LHFPL3: variants seen among roughly 807,000 people sequenced by gnomAD.
LHFPL3 encodes LHFPL tetraspan subfamily member 3 protein.
LHFPL3 carries 5 observed loss-of-function variants against 19.3 expected under a neutral mutation model. The ratio of observed to expected loss-of-function variants is 0.26; its 90% CI spans 0.14 to 0.54. LHFPL3 has a LOEUF of 0.54. LHFPL3 is among the 20% of genes least tolerant of loss of function. The pLI, the probability that LHFPL3 is intolerant of heterozygous loss-of-function variation, is 0.94. For synonymous variants in LHFPL3, 133 were observed against 126.2 expected, an observed-to-expected ratio of 1.05 and a Z score of -0.36; for missense variants, 249 against 307.4, an observed-to-expected ratio of 0.81 and a Z score of 1.42.
intron 2 of LHFPL3, among the ~76,000 whole-genome samples, chr7:104,750,762 G>T (rs1463421727): frequency 6.6e-6 from 1 of 152,210 alleles, no homozygotes. Context: ...GGACAGGGGG[G>T]GTTGTTGTCC....
intron 2 of LHFPL3, among the ~76,000 whole-genome samples, chr7:104,809,943 A>C (rs780875633): frequency 2.6e-5 from 4 of 152,244 alleles, no homozygotes; most frequent in Non-Finnish European, 5.9e-5. Flanking sequence ...AATTGTGGTA[A>C]GTGCTGCAAT....
chr7:104,743,516 C>A (rs1793975568), intron 2 of LHFPL3, among the ~76,000 whole-genome samples: 1 of 152,124 alleles, frequency 6.6e-6, no homozygotes, highest in African/African-American at 2.4e-5. Flanking sequence ...AATACCCATC[C>A]CTGCCTCCTA....
At chr7:104,732,686 C>G (rs1793728177) in intron 1 of LHFPL3, among the ~76,000 whole-genome samples, 1 of 152,128 alleles carries the variant, frequency 6.6e-6, no homozygotes, top group Admixed American at 6.6e-5. Context: ...CTCCTGGATT[C>G]ATTGATTTTT....
At chr7:104,737,260 AG>A (rs1420800677) in intron 2 of LHFPL3, among the ~76,000 whole-genome samples, 2 of 152,098 alleles carry the variant, frequency 1.3e-5, no homozygotes, top group Non-Finnish European at 2.9e-5. Context: ...TTGAATGGAA[AG>A]TACTTTCTCT....
At chr7:104,804,490 G>C (rs1239348581) in intron 2 of LHFPL3, among the ~76,000 whole-genome samples, 1 of 152,176 alleles carries the variant, frequency 6.6e-6, no homozygotes, top group Non-Finnish European at 1.5e-5. Context: ...CCTTGAGGGT[G>C]GGCAAGACTT....
chr7:104,386,713 A>G (rs1790951071), intron 1 of LHFPL3, among the ~76,000 whole-genome samples: 1 of 152,208 alleles, frequency 6.6e-6, no homozygotes, highest in Non-Finnish European at 1.5e-5. Context: ...AGAATGGGAG[A>G]CTGTTGATTC....
At chr7:104,442,746 C>T (rs952710672) in intron 1 of LHFPL3, among the ~76,000 whole-genome samples, 9 of 152,116 alleles carry the variant, frequency 5.9e-5, no homozygotes, top group African/African-American at 1.7e-4. Flanking sequence ...CATATTGTGC[C>T]TTTTTAAAGT....
At chr7:104,879,202 A>C (rs1792001875) in intron 2 of LHFPL3, among the ~76,000 whole-genome samples, 1 of 152,178 alleles carries the variant, frequency 6.6e-6, no homozygotes, top group Admixed American at 6.5e-5. Context: ...AGATCACTGG[A>C]ATCCAGGAAT....
chr7:104,880,892 C>T (rs563785170), intron 2 of LHFPL3, among the ~76,000 whole-genome samples: 1 of 152,168 alleles, frequency 6.6e-6, no homozygotes, highest in East Asian at 1.9e-4. Context: ...TTTGTGTGGC[C>T]AGGCGCGGTG....
chr7:104,861,379 A>G (rs565066581), intron 2 of LHFPL3, among the ~76,000 whole-genome samples: 2 of 152,214 alleles, frequency 1.3e-5, no homozygotes, highest in South Asian at 2.1e-4. Context: ...TACCTCAGGG[A>G]GTTTTTGTGA....
At chr7:104,337,004 G>C (rs1789822959) in intron 1 of LHFPL3, among the ~76,000 whole-genome samples, 1 of 152,112 alleles carries the variant, frequency 6.6e-6, no homozygotes, top group Non-Finnish European at 1.5e-5. Context: ...CTTTAGTACA[G>C]AATGCATCAC....
At chr7:104,590,407 A>G (rs948293867) in intron 1 of LHFPL3, among the ~76,000 whole-genome samples, 29 of 152,002 alleles carry the variant, frequency 1.9e-4, no homozygotes, top group Non-Finnish European at 3.7e-4. Context: ...TTCAGTTTCG[A>G]TGTAGTTGAG....
intron 1 of LHFPL3, among the ~76,000 whole-genome samples, chr7:104,415,628 G>T (rs1266618601): frequency 2.6e-5 from 4 of 152,112 alleles, no homozygotes; most frequent in South Asian, 4.1e-4. Context: ...CTAAATACCT[G>T]TTTTCAAATG....
chr7:104,801,352 C>T (rs751608641), intron 2 of LHFPL3, among the ~76,000 whole-genome samples: 2 of 152,134 alleles, frequency 1.3e-5, no homozygotes, highest in Non-Finnish European at 2.9e-5. Context: ...CTTCCCATCA[C>T]GGTGATGACA....
chr7:104,393,219 A>C (rs967234282), intron 1 of LHFPL3, among the ~76,000 whole-genome samples: 1 of 152,178 alleles, frequency 6.6e-6, no homozygotes, highest in Non-Finnish European at 1.5e-5. Context: ...TGCTGGTCGT[A>C]ATGTAAGATG....
intron 1 of LHFPL3, among the ~76,000 whole-genome samples, chr7:104,524,116 A>G (rs749712689): frequency 2.0e-5 from 3 of 152,170 alleles, no homozygotes; most frequent in African/African-American, 7.2e-5. Context: ...AATTATTGAG[A>G]TGTATTTATG....
chr7:104,369,692 T>C (rs1790573986), intron 1 of LHFPL3, among the ~76,000 whole-genome samples: 1 of 152,226 alleles, frequency 6.6e-6, no homozygotes, highest in South Asian at 2.1e-4. Context: ...CCACACTTGG[T>C]ATTATCTGTT....
chr7:104,893,156 A>G (rs1459551999), intron 2 of LHFPL3, among the ~76,000 whole-genome samples: 5 of 151,870 alleles, frequency 3.3e-5, no homozygotes, highest in Admixed American at 6.6e-5. Context: ...CGAGGTTGCA[A>G]TAAGCTGTGA....
intron 2 of LHFPL3, among the ~76,000 whole-genome samples, chr7:104,847,048 C>T (rs1051393612): frequency 1.3e-5 from 2 of 152,144 alleles, no homozygotes; most frequent in Admixed American, 6.5e-5. Context: ...AGAACAAGGG[C>T]AGGAAGAAGA....
Sources: allele counts gnomAD v4.1 joint callset (sites outside exome capture counted in the v4.1 genomes callset), GRCh38; gene constraint gnomAD v4.1.1; transcripts MANE v1.5; gene names NCBI Gene and HGNC (gene_info 2026-07-23, HGNC 2026-07-21).